The following TXLNG variants were observed in gnomAD, a reference collection of about 807,000 sequenced individuals.
TXLNG encodes taxilin gamma, also known as gamma-taxilin.
A neutral mutation model predicts 38.8 loss-of-function variants in TXLNG; 5 were observed. The ratio of observed to expected loss-of-function variants is 0.13; its 90% confidence interval spans 0.07 to 0.27. The LOEUF is 0.27. TXLNG is among the 10% of genes least tolerant of loss of function. The probability of loss-of-function intolerance (pLI) is 1.00; values close to 1 mark genes in which losing one functional copy is unlikely to be tolerated. For synonymous variants in TXLNG, 182 were observed against 158.2 expected (o/e 1.15, Z -1.13); for missense variants, 393 against 398.2 (o/e 0.99, Z 0.11).
chrX:16,791,838 G>A (rs1418864339), intron 1 of TXLNG, among the ~76,000 whole-genome samples: 2 of 112,088 alleles, frequency 1.8e-5, no homozygotes. Flanking sequence ...CACCTGCCTT[G>A]GCCTCCCAAA....
intron 1 of TXLNG, among the ~76,000 whole-genome samples, chrX:16,792,428 TG>T (rs200403287): frequency 0.068 from 7,590 of 111,139 alleles, 259 homozygotes; most frequent in Non-Finnish European, 0.1. Flanking sequence ...TAATTCCTCT[TG>T]TTTGGTTCTA....
rs748634559 is a variant in TXLNG, at chrX:16,835,732, CTT to C, written c.1059+1376_1059+1377del. 1.1e-3 allele frequency among the ~76,000 whole-genome samples: 128 copies of C among 112,347 alleles called. 1 individual carries two copies. In the East Asian group the frequency reaches 0.026, roughly 23 times the overall value. On this transcript the variant is annotated intron_variant, in intron 7 of 9. Coordinates refer to ENST00000380122, the MANE Select transcript of TXLNG (RefSeq NM_018360.3). ...CTATTTGTTTCCTTTGCTGTCACCT[CTT>C]GTTTTCCTCTAAATGTGGCTGTCCT...
In TXLNG at chrX:16,786,484, C is replaced by G; in HGVS notation, c.-4C>G. The G allele has an allele frequency of 8.9e-7, 1 of 1,118,305 alleles. No individual in the cohort carries two copies. Among genetic ancestry groups the G allele is most frequent in the Non-Finnish European group, 1.2e-6 (1 of 851,393 alleles). The allele number at this position is 1,118,305 out of a possible 1,213,427, so 92.2% of individuals were successfully genotyped here. A position where few individuals can be genotyped will look rare whatever the true frequency, so the allele number is the denominator to read the frequency against. On this transcript the variant is annotated 5_prime_UTR_variant, in exon 1 of 10. Transcript: ENST00000380122. ...GCCGCTTGTTTGGCTGCTGCCGTCACCTCATGGCGACGCGGGTAGAGGAGG... is the reference window on the plus strand; with the variant it reads ...GCCGCTTGTTTGGCTGCTGCCGTCAGCTCATGGCGACGCGGGTAGAGGAGG...
intron 1 of TXLNG, among the ~76,000 whole-genome samples, chrX:16,788,107 C>T (rs1243083134): frequency 8.9e-6 from 1 of 112,449 alleles, no homozygotes; most frequent in African/African-American, 3.2e-5. Context: ...ACTTTGGACA[C>T]TTCACTTATT....
chrX:16,839,982 A>G (rs914705974), intron 9 of TXLNG, 66 bp downstream of exon 9: 22 of 866,417 alleles, frequency 2.5e-5, no homozygotes, highest in Non-Finnish European at 3.4e-5. Flanking sequence ...TCAGGTACCT[A>G]TCGGGGCCGG....
chrX:16,806,787 C>T (rs765005073), intron 1 of TXLNG, among the ~76,000 whole-genome samples: 4 of 109,837 alleles, frequency 3.6e-5, no homozygotes, highest in East Asian at 5.7e-4. Context: ...TGTGGTGGTG[C>T]GCGCCTGTAG....
chrX:16,802,813 C>G (rs914625103), intron 1 of TXLNG, among the ~76,000 whole-genome samples: 2 of 89,054 alleles, frequency 2.2e-5, no homozygotes, highest in Non-Finnish European at 4.5e-5. Flanking sequence ...AAGATGCTTT[C>G]TTTCTTTCTT....
chrX:16,798,982 C>T (rs935074328), intron 1 of TXLNG, among the ~76,000 whole-genome samples: 5 of 110,151 alleles, frequency 4.5e-5, no homozygotes, highest in Non-Finnish European at 9.5e-5. Context: ...TGGGTTCAAG[C>T]GATTCTCCTG....
rs1441032501 is a variant in TXLNG at position 16,820,209 on chromosome X, C to A, written c.452C>A (p.Thr151Asn). The stretch of plus-strand genomic sequence containing the variant: ...ATGCAAGCCCTAAACACCCTTTCAA[C>A]CCCAGAGGAGAAGCTGGCAGCTCTC... The part of the protein sequence containing the change: ...LLMQALNTLS[T>N]PEEKLAALCK... Residue 151 changes from threonine (T) to asparagine (N), a missense_variant, in exon 3 of 10, where the codon ACC becomes AAC. Thr to Asn is a moderately conservative substitution (Grantham distance 65, BLOSUM62 0). Coordinates refer to ENST00000380122, the MANE Select transcript of TXLNG (RefSeq NM_018360.3). 8.3e-7 allele frequency: 1 copy of A among 1,208,452 alleles called. No homozygotes were observed. The highest frequency in any genetic ancestry group is 1.8e-5 in the African/African-American group (1 of 56,973).
chrX:16,837,494 A>G (rs1360192793), intron 7 of TXLNG, 99 bp from the exon 8 acceptor site: 3 of 539,096 alleles, frequency 5.6e-6, no homozygotes, highest in Non-Finnish European at 8.7e-6. Flanking sequence ...TCGTATTTCT[A>G]TCACTTGTAA....
intron 3 of TXLNG, among the ~76,000 whole-genome samples, chrX:16,824,182 C>T (rs968610757): frequency 1.8e-5 from 2 of 111,621 alleles, no homozygotes; most frequent in African/African-American, 3.3e-5. Flanking sequence ...GCCTGGGCAA[C>T]GTCGCAAGAC....
rs768329047 is a variant in TXLNG, at chrX:16,829,548, A to G, written c.670-28A>G. 2.5e-6 allele frequency: 3 copies of G among 1,191,756 alleles called. No individual in the cohort carries two copies. In the African/African-American group the frequency reaches 5.3e-5, roughly 21 times the overall value. ...AGCATCTTCTCTATAGGTCTGTATT[A>G]TTAACAAAAATTATTTTGGGTAATA... On this transcript the variant is annotated intron_variant, in intron 4 of 9. Transcript: ENST00000380122.
In TXLNG at chrX:16,811,616, GGGATTACA is replaced by G. The variant is rs753244273; in HGVS notation, c.103-6955_103-6948del. Reference sequence around the variant, plus strand: ...GCTTGCCTCGGCCTCCCAAAGTGCTGGGATTACAGGTGTGAGCCACCGTGGCCGGCTTT... The same window carrying G: ...GCTTGCCTCGGCCTCCCAAAGTGCTGGGTGTGAGCCACCGTGGCCGGCTTT... On this transcript the variant is annotated intron_variant, in intron 1 of 9. Transcript: ENST00000380122. 1.4e-4 allele frequency among the ~76,000 whole-genome samples: 15 copies of G among 108,034 alleles called. No homozygotes were observed. In the South Asian group the frequency reaches 5.3e-3, roughly 38 times the overall value. The allele number at this position is 108,034 out of a possible 115,157, so 93.8% of individuals were successfully genotyped here.
chrX:16,841,318 C>T (rs922300609), intron 9 of TXLNG, 110 bp from the exon 10 acceptor site: 20 of 629,958 alleles, frequency 3.2e-5, no homozygotes, highest in East Asian at 6.8e-5. Context: ...GCTGAAGAGA[C>T]GGAACATGTT....
chrX:16,820,893 T>C (rs1206998425), intron 3 of TXLNG, among the ~76,000 whole-genome samples: 1 of 110,874 alleles, frequency 9.0e-6, no homozygotes, highest in African/African-American at 3.3e-5. Flanking sequence ...CTCAACCTCC[T>C]GAGTAGCTGG....
At chrX:16,800,362 G>A (rs934709637) in intron 1 of TXLNG, among the ~76,000 whole-genome samples, 17 of 109,283 alleles carry the variant, frequency 1.6e-4, no homozygotes, top group Non-Finnish European at 2.9e-4. Context: ...TCAGGTGATC[G>A]TCCTGCCTCT....
intron 3 of TXLNG, among the ~76,000 whole-genome samples, chrX:16,822,357 A>C (rs1403163998): frequency 3.6e-5 from 4 of 110,701 alleles, no homozygotes; most frequent in Non-Finnish European, 5.7e-5. Context: ...AAAAAAAATG[A>C]CAGTTACTTT....
chrX:16,841,937 G>C lies in TXLNG; in HGVS notation c.*171G>C, dbSNP rs1929862295. ...GGAGGCTGCTTAGCAGTTTTGAATA[G>C]TTTAATCTATAAATTTTCCTCAGCT... On this transcript the variant is annotated 3_prime_UTR_variant, in exon 10 of 10. Coordinates refer to ENST00000380122, the MANE Select transcript of TXLNG (RefSeq NM_018360.3). 1.9e-6 allele frequency: 1 copy of C among 516,426 alleles called. No individual in the cohort carries two copies. Among genetic ancestry groups the C allele is most frequent in the Non-Finnish European group, 3.1e-6 (1 of 323,700 alleles). The allele number at this position is 516,426 out of a possible 1,213,427, so 42.6% of individuals were successfully genotyped here. A position where few individuals can be genotyped will look rare whatever the true frequency, so the allele number is the denominator to read the frequency against.
rs1486909269 is a variant in TXLNG at position 16,844,125 on chromosome X, G to C, written c.*2359G>C. 8.9e-6 allele frequency: 1 copy of C among 111,963 alleles called. No homozygotes were observed. The highest frequency in any genetic ancestry group is 3.3e-5 in the African/African-American group (1 of 30,690). The allele number at this position is 111,963 out of a possible 1,213,427, so 9.2% of individuals were successfully genotyped here. A position where few individuals can be genotyped will look rare whatever the true frequency, so the allele number is the denominator to read the frequency against. Reference sequence around the variant, plus strand: ...TTGGCGGTGGACTCCAAGGTGTAGAGAAAACTTGGGTCTTGGGTAATATGG... The same window carrying C: ...TTGGCGGTGGACTCCAAGGTGTAGACAAAACTTGGGTCTTGGGTAATATGG... On this transcript the variant is annotated 3_prime_UTR_variant, in exon 10 of 10. Transcript: ENST00000380122.
Sources: allele counts gnomAD v4.1 joint callset (sites outside exome capture counted in the v4.1 genomes callset), GRCh38; gene constraint gnomAD v4.1.1; transcripts MANE v1.5; gene names NCBI Gene and HGNC (gene_info 2026-07-23, HGNC 2026-07-21).